Variants in PTPRG observed in about 807,000 individuals in gnomAD.
The protein encoded by PTPRG is protein tyrosine phosphatase receptor type G, also known as receptor-type tyrosine-protein phosphatase gamma.
Under a neutral mutation model 165.3 loss-of-function variants are expected in PTPRG, and 102 were observed. The observed-to-expected ratio is 0.62, with a 90% CI of 0.53 to 0.73. PTPRG has a LOEUF of 0.73. Ranked by LOEUF, PTPRG falls within the 30% of genes least tolerant of loss-of-function variation. The pLI, the probability that PTPRG is intolerant of heterozygous loss-of-function variation, is 0.00. For synonymous variants in PTPRG, 675 were observed against 669.5 expected (o/e 1.01, Z -0.13); for missense variants, 1,866 against 1,861.4 (o/e 1.00, Z -0.05).
Position 61,738,272 on chromosome 3 carries a change from A to G in PTPRG, c.86-10606A>G, listed in dbSNP as rs1240013548. 2.5e-4 allele frequency among the ~76,000 whole-genome samples: 16 copies of G among 64,260 alleles called. 1 individual carries two copies. In the East Asian group the frequency reaches 5.4e-3, roughly 22 times the overall value. 42.2% of individuals were successfully genotyped at this position (64,260 alleles called of 152,430 possible). On this transcript the variant is annotated intron_variant, in intron 1 of 29. Transcript: ENST00000474889. ...TTTGTCCATTTTTATATATATATAT[A>G]TATATACATATATATATATATATAT...
chr3:62,034,259 G>A (rs1465778152), intron 4 of PTPRG, among the ~76,000 whole-genome samples: 3 of 152,154 alleles, frequency 2.0e-5, no homozygotes, highest in Non-Finnish European at 4.4e-5. Context: ...ATCTGCATTT[G>A]TTTGGAAAAA....
chr3:61,582,989 TG>T (rs1700339713), intron 1 of PTPRG, among the ~76,000 whole-genome samples: 1 of 152,226 alleles, frequency 6.6e-6, no homozygotes, highest in South Asian at 2.1e-4. Flanking sequence ...GTATCCTGGC[TG>T]GTATTTTATG....
chr3:62,085,014 T>A (rs949261542), intron 5 of PTPRG, among the ~76,000 whole-genome samples: 2 of 152,158 alleles, frequency 1.3e-5, no homozygotes, highest in East Asian at 3.9e-4. Context: ...AAATAGGCAT[T>A]AGGGGGTAGA....
At chr3:61,628,508 A>AT (rs949045280) in intron 1 of PTPRG, among the ~76,000 whole-genome samples, 1 of 151,832 alleles carries the variant, frequency 6.6e-6, no homozygotes, top group African/African-American at 2.4e-5. Context: ...TTATTGTTGT[A>AT]TTTTTTGTAG....
At position 61,834,553 on chromosome 3, in the gene PTPRG, G is replaced by A. The variant is rs181102882; in HGVS notation, c.190+85571G>A. On this transcript the variant is annotated intron_variant, in intron 2 of 29. Transcript: ENST00000474889. ...CATAAGGCTTGCCACGGTGGCTCATGCCTGTAATCCCAACACTTTGGGAGG... is the reference window on the plus strand; with the variant it reads ...CATAAGGCTTGCCACGGTGGCTCATACCTGTAATCCCAACACTTTGGGAGG... 2.3e-3 allele frequency among the ~76,000 whole-genome samples: 350 copies of A among 152,270 alleles called. 8 individuals are homozygous for A. Among genetic ancestry groups the A allele is most frequent in the Admixed American group, 0.021 (324 of 15,294 alleles).
intron 6 of PTPRG, among the ~76,000 whole-genome samples, chr3:62,133,528 G>A (rs1318703947): frequency 3.9e-5 from 6 of 152,054 alleles, no homozygotes; most frequent in East Asian, 1.9e-4. Flanking sequence ...CTCTCTTTCC[G>A]TGAAACTAAA....
chr3:62,075,555 ACT>A (rs577635343), intron 4 of PTPRG, among the ~76,000 whole-genome samples: 155 of 152,288 alleles, frequency 1.0e-3, no homozygotes, highest in African/African-American at 3.5e-3. Flanking sequence ...AAGAAAGAAA[ACT>A]CTCCAAAAGA....
chr3:61,984,195 T>C (rs1575850161), intron 2 of PTPRG, among the ~76,000 whole-genome samples: 1 of 152,334 alleles, frequency 6.6e-6, no homozygotes, highest in Middle Eastern at 3.4e-3. Flanking sequence ...CAGTGACTTG[T>C]GAATGGCACA....
intron 1 of PTPRG, 118 bp from the exon 2 acceptor site, chr3:61,748,760 G>A: frequency 1.5e-6 from 1 of 689,146 alleles, no homozygotes; most frequent in Non-Finnish European, 2.4e-6. Context: ...GTTGGTTCTA[G>A]TCAGTCATCC....
chr3:61,666,708 T>G (rs1462662964), intron 1 of PTPRG, among the ~76,000 whole-genome samples: 2 of 152,226 alleles, frequency 1.3e-5, no homozygotes, highest in Non-Finnish European at 2.9e-5. Flanking sequence ...CCAAAGGTTA[T>G]TACCCAGCAT....
intron 2 of PTPRG, among the ~76,000 whole-genome samples, chr3:61,875,158 T>C (rs1312913906): frequency 6.6e-6 from 1 of 152,226 alleles, no homozygotes; most frequent in African/African-American, 2.4e-5. Flanking sequence ...TTCTTCTCTT[T>C]TCAGTGTGTA....
chr3:62,026,879 T>TAAAAAAAAAA lies in PTPRG; in HGVS notation c.519+23388_519+23397dup, dbSNP rs200417191. ...CCAGCCTGGGAAACCGAGTGAGAAT[T>TAAAAAAAAAA]AAAAAAAAAAAAAAAGATATAAGAA... On this transcript the variant is annotated intron_variant, in intron 4 of 29. Coordinates refer to ENST00000474889, the MANE Select transcript of PTPRG (RefSeq NM_002841.4). 5.5e-3 allele frequency among the ~76,000 whole-genome samples: 523 copies of TAAAAAAAAAA among 94,568 alleles called. 19 individuals are homozygous for TAAAAAAAAAA. Among genetic ancestry groups the TAAAAAAAAAA allele is most frequent in the African/African-American group, 0.019 (397 of 20,836 alleles). The allele number at this position is 94,568 out of a possible 152,430, so 62.0% of individuals were successfully genotyped here. A position where few individuals can be genotyped will look rare whatever the true frequency, so the allele number is the denominator to read the frequency against.
chr3:61,788,095 C>A (rs755725988), intron 2 of PTPRG, among the ~76,000 whole-genome samples: 1 of 152,138 alleles, frequency 6.6e-6, no homozygotes, highest in Non-Finnish European at 1.5e-5. Context: ...AAAGGACACA[C>A]GGCCAACTTC....
intron 1 of PTPRG, among the ~76,000 whole-genome samples, chr3:61,653,818 G>GT (rs1702429512): frequency 7.1e-6 from 1 of 140,604 alleles, no homozygotes; most frequent in Non-Finnish European, 1.5e-5. Flanking sequence ...GGCCCACACT[G>GT]TTCCCAGTTA....
At chr3:62,041,846 A>G (rs550454803) in intron 4 of PTPRG, among the ~76,000 whole-genome samples, 2 of 152,308 alleles carry the variant, frequency 1.3e-5, no homozygotes, top group Admixed American at 1.3e-4. Context: ...GATAGTGACT[A>G]TAATGCTGGT....
chr3:61,977,250 T>C (rs1395469588), intron 2 of PTPRG, among the ~76,000 whole-genome samples: 1 of 144,762 alleles, frequency 6.9e-6, no homozygotes, highest in East Asian at 2.1e-4. Flanking sequence ...ACCACCCAAC[T>C]AGAGGCAGTG....
intron 4 of PTPRG, among the ~76,000 whole-genome samples, chr3:62,069,699 C>T (rs906074342): frequency 7.6e-4 from 114 of 150,932 alleles, no homozygotes; most frequent in African/African-American, 2.6e-3. Flanking sequence ...CACAGACACA[C>T]GCACACACAC....
At chr3:61,924,866 G>A (rs543375122) in intron 2 of PTPRG, among the ~76,000 whole-genome samples, 2 of 152,322 alleles carry the variant, frequency 1.3e-5, no homozygotes, top group East Asian at 3.9e-4. Context: ...TCCCCAGTGT[G>A]ATGGTATTTG....
At chr3:61,890,833 T>TG (rs1474643116) in intron 2 of PTPRG, among the ~76,000 whole-genome samples, 1 of 152,214 alleles carries the variant, frequency 6.6e-6, no homozygotes. Flanking sequence ...CTTATGTAAG[T>TG]GTGAGAGAAT....
Sources: allele counts gnomAD v4.1 joint callset (sites outside exome capture counted in the v4.1 genomes callset), GRCh38; gene constraint gnomAD v4.1.1; transcripts MANE v1.5; gene names NCBI Gene and HGNC (gene_info 2026-07-23, HGNC 2026-07-21).